The following CPNE4 variants were observed in gnomAD, a reference collection of about 807,000 sequenced individuals.
The protein encoded by CPNE4 is copine-4.
A neutral mutation model predicts 67.9 loss-of-function variants in CPNE4; 25 were observed. That is an observed-to-expected ratio of 0.37 (90% confidence interval 0.27 to 0.51). The LOEUF is 0.51. Among genes scored for constraint, CPNE4 ranks in the 20% least tolerant of loss-of-function variants. CPNE4 has a pLI of 0.93. For synonymous variants in CPNE4, 242 were observed against 244.9 expected, an observed-to-expected ratio of 0.99 and a Z score of 0.11; for missense variants, 464 against 690.8, an observed-to-expected ratio of 0.67 and a Z score of 3.68.
intron 1 of CPNE4, among the ~76,000 whole-genome samples, chr3:131,983,621 G>T (rs2072966177): frequency 6.6e-6 from 1 of 152,136 alleles, no homozygotes; most frequent in Non-Finnish European, 1.5e-5. Flanking sequence ...TGTGGGCAAA[G>T]ACATATTTCA....
rs544636048 is a variant in CPNE4 at position 131,857,378 on chromosome 3, T to C, written c.180+47886A>G. 2.0e-5 allele frequency among the ~76,000 whole-genome samples: 3 copies of C among 152,136 alleles called. No individual in the cohort carries two copies. The South Asian group carries it at 6.2e-4, about 32-fold the overall frequency. ...TTCCTGCAGCAGTTTCATCATTCAC[T>C]GTTTGGCAGGAAATGCTTCCTTATT... On this transcript the variant is annotated intron_variant, in intron 2 of 15. Coordinates refer to ENST00000429747, the MANE Select transcript of CPNE4 (RefSeq NM_130808.3).
intron 1 of CPNE4, among the ~76,000 whole-genome samples, chr3:132,033,582 C>T (rs1454360485): frequency 3.3e-5 from 5 of 152,214 alleles, no homozygotes; most frequent in East Asian, 1.9e-4. Context: ...CTTGGATCAT[C>T]TCTGCCGCCT....
intron 7 of CPNE4, among the ~76,000 whole-genome samples, chr3:131,596,003 G>C (rs1316893604): frequency 6.6e-6 from 1 of 152,134 alleles, no homozygotes; most frequent in Non-Finnish European, 1.5e-5. Flanking sequence ...CTGGGGAGTT[G>C]TTTAATAAGT....
intron 3 of CPNE4, among the ~76,000 whole-genome samples, chr3:131,719,326 C>G (rs185853881): frequency 3.9e-5 from 6 of 152,262 alleles, no homozygotes; most frequent in African/African-American, 1.4e-4. Context: ...CTTCAGTTTC[C>G]TCAGTTATAA....
intron 2 of CPNE4, among the ~76,000 whole-genome samples, chr3:131,768,937 T>C (rs1332406395): frequency 6.6e-6 from 1 of 152,146 alleles, no homozygotes; most frequent in Non-Finnish European, 1.5e-5. Flanking sequence ...GTTTTAAATA[T>C]TTAATAGGCC....
chr3:132,015,545 A>G (rs1302819075), intron 1 of CPNE4, among the ~76,000 whole-genome samples: 1 of 152,100 alleles, frequency 6.6e-6, no homozygotes, highest in Admixed American at 6.6e-5. Flanking sequence ...CACATATATC[A>G]TATACGATAT....
chr3:131,694,076 C>T (rs1272767082), intron 5 of CPNE4, among the ~76,000 whole-genome samples: 1 of 152,094 alleles, frequency 6.6e-6, no homozygotes, highest in Non-Finnish European at 1.5e-5. Flanking sequence ...GACTGGAGAT[C>T]CAGGCAGGCA....
At chr3:131,858,372 C>G (rs1277501568) in intron 2 of CPNE4, among the ~76,000 whole-genome samples, 1 of 151,994 alleles carries the variant, frequency 6.6e-6, no homozygotes, top group Non-Finnish European at 1.5e-5. Flanking sequence ...ACTCAAAAGA[C>G]AAGCAGCCCC....
chr3:131,955,485 C>A (rs2071936511), intron 1 of CPNE4, among the ~76,000 whole-genome samples: 1 of 119,794 alleles, frequency 8.3e-6, no homozygotes, highest in South Asian at 2.8e-4. Context: ...GGTTGGTAGT[C>A]TGACCTGCTG....
At chr3:132,012,433 T>C (rs1229417949) in intron 1 of CPNE4, among the ~76,000 whole-genome samples, 1 of 152,166 alleles carries the variant, frequency 6.6e-6, no homozygotes, top group Non-Finnish European at 1.5e-5. Context: ...CCTTCCAAAG[T>C]GCTAGGATTA....
At chr3:131,786,121 A>C (rs1216270620) in intron 2 of CPNE4, among the ~76,000 whole-genome samples, 1 of 152,078 alleles carries the variant, frequency 6.6e-6, no homozygotes, top group Non-Finnish European at 1.5e-5. Flanking sequence ...AGGGCTAATA[A>C]TTAGATCTTA....
chr3:131,834,898 A>C (rs1328426805), intron 2 of CPNE4, among the ~76,000 whole-genome samples: 3 of 152,230 alleles, frequency 2.0e-5, no homozygotes, highest in Non-Finnish European at 4.4e-5. Context: ...AAATTGGCCA[A>C]AGGACATGAG....
chr3:131,550,975 CA>C (rs1936142270), intron 13 of CPNE4, among the ~76,000 whole-genome samples: 2 of 152,214 alleles, frequency 1.3e-5, no homozygotes, highest in Admixed American at 1.3e-4. Context: ...AATCTCATTA[CA>C]AATGATTTTT....
intron 2 of CPNE4, among the ~76,000 whole-genome samples, chr3:131,870,966 C>T (rs1297912998): frequency 6.6e-6 from 1 of 152,060 alleles, no homozygotes; most frequent in African/African-American, 2.4e-5. Context: ...AGAGGTCCTA[C>T]TGATGTTTAG....
At position 131,779,854 on chromosome 3, in the gene CPNE4, AAAG is replaced by A. The variant is rs542721732; in HGVS notation, c.181-56232_181-56230del. Among the ~76,000 whole-genome samples the A allele has an allele frequency of 1.5e-3, 221 of 152,284 alleles. 1 individual carries two copies. Among genetic ancestry groups the A allele is most frequent in the South Asian group, 4.8e-3 (23 of 4,826 alleles). ...TTGATAAGTGGGACATAATTAAACTAAAGAACTTCTGTACAACAAAGAAACTAT... is the reference window on the plus strand; with the variant it reads ...TTGATAAGTGGGACATAATTAAACTAAACTTCTGTACAACAAAGAAACTAT... On this transcript the variant is annotated intron_variant, in intron 2 of 15. Transcript: ENST00000429747.
intron 3 of CPNE4, among the ~76,000 whole-genome samples, chr3:131,717,902 CTTT>C (rs1560173202): frequency 7.7e-6 from 1 of 129,214 alleles, no homozygotes; most frequent in African/African-American, 2.8e-5. Flanking sequence ...TTCTTTCTTT[CTTT>C]CTTTCTTTCT....
chr3:132,021,179 G>A (rs2073987603), intron 1 of CPNE4, among the ~76,000 whole-genome samples: 1 of 152,170 alleles, frequency 6.6e-6, no homozygotes, highest in African/African-American at 2.4e-5. Flanking sequence ...ATGTAGAATG[G>A]TCATGCAAGA....
chr3:131,998,323 T>G (rs1198544558), intron 1 of CPNE4, among the ~76,000 whole-genome samples: 2 of 152,154 alleles, frequency 1.3e-5, no homozygotes, highest in East Asian at 3.8e-4. Flanking sequence ...AGGTAAGGGT[T>G]TCTTCCTTCA....
intron 1 of CPNE4, among the ~76,000 whole-genome samples, chr3:131,959,452 A>G (rs1285095689): frequency 6.6e-6 from 1 of 152,200 alleles, no homozygotes; most frequent in Non-Finnish European, 1.5e-5. Context: ...CTGTACTTTC[A>G]GAAAAGATTA....
Sources: gnomAD v4.1 joint callset for allele counts (sites outside exome capture counted in the v4.1 genomes callset) on GRCh38, gnomAD v4.1.1 for gene constraint, MANE v1.5 for transcripts, NCBI Gene and HGNC (gene_info 2026-07-23, HGNC 2026-07-21) for gene names.